The following TM9SF2 variants were observed in gnomAD, a reference collection of about 807,000 sequenced individuals.
TM9SF2 encodes transmembrane 9 superfamily member 2, also known as 76 kDa membrane protein.
Under a neutral mutation model 84.9 loss-of-function variants are expected in TM9SF2, and 13 were observed. The ratio of observed to expected loss-of-function variants is 0.15; its 90% confidence interval spans 0.10 to 0.24. TM9SF2 has a LOEUF of 0.24. Among genes scored for constraint, TM9SF2 ranks in the 10% least tolerant of loss-of-function variants. TM9SF2 has a pLI of 1.00. For synonymous variants in TM9SF2, 273 were observed against 285.8 expected (o/e 0.96, Z 0.45); for missense variants, 562 against 818.5 (o/e 0.69, Z 3.82).
At chr13:99,544,063 T>G in intron 10 of TM9SF2, 68 bp downstream of exon 10, 2 of 1,571,918 alleles carry the variant, frequency 1.3e-6, no homozygotes, top group Non-Finnish European at 1.7e-6. Flanking sequence ...TAAAAACCAG[T>G]TTTTCTGGCC....
At chr13:99,528,796 G>A (rs1450995367) in intron 3 of TM9SF2, among the ~76,000 whole-genome samples, 2 of 152,200 alleles carry the variant, frequency 1.3e-5, no homozygotes, top group Admixed American at 6.5e-5. Context: ...CTGCTTCACT[G>A]CACCTGCTTT....
intron 1 of TM9SF2, 29 bp downstream of exon 1, chr13:99,501,806 G>T (rs752810250): frequency 1.6e-5 from 25 of 1,593,540 alleles, no homozygotes; most frequent in Admixed American, 1.8e-5. Context: ...GCCCTCTGAT[G>T]CACTGTTGGA....
intron 11 of TM9SF2, among the ~76,000 whole-genome samples, chr13:99,548,218 C>T (rs781349480): frequency 8.5e-5 from 13 of 152,148 alleles, no homozygotes; most frequent in Non-Finnish European, 1.8e-4. Flanking sequence ...CATCTGCACT[C>T]CACTCACTAA....
At chr13:99,541,866 T>C in intron 9 of TM9SF2, 199 bp downstream of exon 9, 1 of 390,998 alleles carries the variant, frequency 2.6e-6, no homozygotes, top group South Asian at 2.5e-5. Flanking sequence ...ATTAATATTC[T>C]TGGCTGGGCG....
chr13:99,510,326 G>A (rs1194169062), intron 1 of TM9SF2, among the ~76,000 whole-genome samples: 2 of 152,284 alleles, frequency 1.3e-5, no homozygotes, highest in Non-Finnish European at 2.9e-5. Flanking sequence ...TCCAAAACCA[G>A]TTCCACATTT....
intron 4 of TM9SF2, among the ~76,000 whole-genome samples, chr13:99,531,672 G>A (rs998615417): frequency 7.2e-5 from 11 of 152,162 alleles, no homozygotes; most frequent in African/African-American, 2.7e-4. Context: ...GGGAGATGGT[G>A]CTGTTAGAAA....
chr13:99,529,380 G>A (rs2046197810), intron 3 of TM9SF2, 87 bp from the exon 4 acceptor site: 1 of 1,243,080 alleles, frequency 8.0e-7, no homozygotes. Context: ...AATTTAATGG[G>A]ACCAGCACTT....
intron 10 of TM9SF2, among the ~76,000 whole-genome samples, chr13:99,544,264 A>C (rs1258247341): frequency 2.0e-5 from 3 of 150,410 alleles, no homozygotes; most frequent in Non-Finnish European, 4.4e-5. Context: ...AGTAGCTTGA[A>C]CCTGGGAGGC....
intron 1 of TM9SF2, among the ~76,000 whole-genome samples, chr13:99,502,334 G>A (rs917661246): frequency 1.7e-4 from 26 of 152,192 alleles, no homozygotes; most frequent in African/African-American, 5.8e-4. Flanking sequence ...TTCACAATTA[G>A]AAGTTGGTTC....
chr13:99,532,674 G>T (rs1443742150), intron 4 of TM9SF2, among the ~76,000 whole-genome samples: 1 of 152,144 alleles, frequency 6.6e-6, no homozygotes, highest in Non-Finnish European at 1.5e-5. Flanking sequence ...GTAGCCTCCT[G>T]ACAGGAAAGT....
At chr13:99,545,556 C>T (rs917449272) in intron 10 of TM9SF2, among the ~76,000 whole-genome samples, 1 of 151,524 alleles carries the variant, frequency 6.6e-6, no homozygotes, top group African/African-American at 2.4e-5. Context: ...TGAAGATAAA[C>T]TTCTGCTTTC....
At chr13:99,520,621 T>C (rs2046155321) in intron 3 of TM9SF2, among the ~76,000 whole-genome samples, 1 of 152,152 alleles carries the variant, frequency 6.6e-6, no homozygotes, top group African/African-American at 2.4e-5. Flanking sequence ...CAGGCTGCAG[T>C]GTAGTGGTGA....
chr13:99,559,289 C>A, intron 15 of TM9SF2, 74 bp from the exon 16 acceptor site: 1 of 1,328,116 alleles, frequency 7.5e-7, no homozygotes, highest in Non-Finnish European at 1.0e-6. Flanking sequence ...ATTATGCTTG[C>A]TTTGAACCTT....
chr13:99,546,215 G>A (rs372474241), intron 10 of TM9SF2, among the ~76,000 whole-genome samples: 1 of 152,132 alleles, frequency 6.6e-6, no homozygotes, highest in Admixed American at 6.5e-5. Flanking sequence ...GAAACAATAG[G>A]GGGGGAAACA....
intron 4 of TM9SF2, among the ~76,000 whole-genome samples, chr13:99,530,034 A>G (rs1594052371): frequency 6.6e-6 from 1 of 152,268 alleles, no homozygotes; most frequent in East Asian, 1.9e-4. Context: ...CATTATGTCT[A>G]AAACAACTCT....
Position 99,554,473 on chromosome 13 carries a change from T to G in TM9SF2, c.1640+18T>G, listed in dbSNP as rs769396652. ...AGTATTTGGTAAGCTAAGGATAAAG[T>G]CCTCTCATTCTCATTACCATTATAT... is the stretch of plus-strand genomic sequence containing the variant. On this transcript the variant is annotated intron_variant, in intron 14 of 16. Coordinates refer to ENST00000376387, the MANE Select transcript of TM9SF2 (RefSeq NM_004800.3). 1.2e-6 allele frequency: 2 copies of G among 1,610,264 alleles called. No homozygotes were observed. Among genetic ancestry groups the G allele is most frequent in the Admixed American group, 1.7e-5 (1 of 59,426 alleles).
At chr13:99,530,147 T>C (rs9582315) in intron 4 of TM9SF2, among the ~76,000 whole-genome samples, 3,777 of 151,092 alleles carry the variant, frequency 0.025, 163 homozygotes, top group African/African-American at 0.087. Flanking sequence ...GGCACTGATA[T>C]AGGCATGGTG....
At chr13:99,547,196 T>C in intron 11 of TM9SF2, 92 bp downstream of exon 11, 1 of 1,558,404 alleles carries the variant, frequency 6.4e-7, no homozygotes, top group Admixed American at 1.8e-5. Context: ...TGATGCTTTG[T>C]AAATAGTGTG....
intron 10 of TM9SF2, among the ~76,000 whole-genome samples, chr13:99,546,712 C>A (rs1292023533): frequency 2.0e-5 from 3 of 152,050 alleles, no homozygotes; most frequent in African/African-American, 4.8e-5. Flanking sequence ...CTTGAGCATC[C>A]AGTCAGCCTC....
Sources: allele counts gnomAD v4.1 joint callset (sites outside exome capture counted in the v4.1 genomes callset), GRCh38; gene constraint gnomAD v4.1.1; transcripts MANE v1.5; gene names NCBI Gene and HGNC (gene_info 2026-07-23, HGNC 2026-07-21).